The following ACAD10 variants were observed in gnomAD, a reference collection of about 807,000 sequenced individuals.
ACAD10 encodes the protein ACAD-10.
Under a neutral mutation model 116.8 loss-of-function variants are expected in ACAD10, and 112 were observed. That is an observed-to-expected ratio of 0.96 (90% CI 0.82 to 1.12). The LOEUF (loss-of-function observed/expected upper bound fraction) is 1.12. Among genes scored for constraint, ACAD10 ranks in the 50% most tolerant of loss-of-function variants. The pLI is 0.00. For missense variants in ACAD10, 1,259 were observed against 1,350.2 expected, an observed-to-expected ratio of 0.93 and a Z score of 1.06; for synonymous variants, 486 against 510.6, an observed-to-expected ratio of 0.95 and a Z score of 0.65.
chr12:111,713,665 A>G (rs1289070355), intron 6 of ACAD10, among the ~76,000 whole-genome samples: 1 of 151,424 alleles, frequency 6.6e-6, no homozygotes, highest in East Asian at 1.9e-4. Context: ...GGCTGGGCGC[A>G]GTGGCTCATG....
chr12:111,755,659 T>G lies in ACAD10; in HGVS notation c.2962-9T>G, dbSNP rs1191809910. 6.2e-7 allele frequency: 1 copy of G among 1,613,022 alleles called. No homozygotes were observed. The highest frequency in any genetic ancestry group is 1.3e-5 in the African/African-American group (1 of 74,864). On this transcript the variant is annotated splice_polypyrimidine_tract_variant and intron_variant, in intron 19 of 20. Transcript: ENST00000313698. ...GGTCTTTTATGATCGCATCTCCTCC[T>G]CCTTACAGGCTGCAGCCTTGGATAT...
chr12:111,745,586 CT>C (rs1394154041), intron 13 of ACAD10: 5 of 157,504 alleles, frequency 3.2e-5, no homozygotes, highest in South Asian at 2.0e-4. Context: ...CTTTTTTTCT[CT>C]TTTTTTTTGA....
chr12:111,702,843 C>G (rs572363795), intron 3 of ACAD10, among the ~76,000 whole-genome samples: 2 of 152,278 alleles, frequency 1.3e-5, no homozygotes, highest in African/African-American at 4.8e-5. Flanking sequence ...CCTGTAACTT[C>G]AGCACTTTGG....
rs1403996014 is a variant in ACAD10, at chr12:111,728,133, T to TG, written c.1236dup (p.Lys413GlufsTer15). ...TGCAGGCTGTGGGACTTGAAGACTA[T>TG]GGGAAGCAAGGTGAGCAGGAGGCCA... On this transcript the variant is annotated frameshift_variant, in exon 9 of 21. Transcript: ENST00000313698. LOFTEE classifies it high-confidence loss of function. The TG allele has an allele frequency of 6.2e-7, 1 of 1,604,976 alleles. No homozygotes were observed. Among genetic ancestry groups the TG allele is most frequent in the Non-Finnish European group, 8.5e-7 (1 of 1,175,318 alleles).
intron 12 of ACAD10, among the ~76,000 whole-genome samples, chr12:111,741,290 A>G (rs540997213): frequency 6.6e-6 from 1 of 152,388 alleles, no homozygotes; most frequent in Non-Finnish European, 1.5e-5. Context: ...TTACTTAAAC[A>G]GAATGGCTGC....
In ACAD10 at chr12:111,746,180, C is replaced by G; in HGVS notation, c.2152C>G (p.Leu718Val). 6.2e-7 allele frequency: 1 copy of G among 1,613,896 alleles called. No individual in the cohort carries two copies. The highest frequency in any genetic ancestry group is 8.5e-7 in the Non-Finnish European group (1 of 1,179,974). Reference sequence around the variant, plus strand: ...AGCTGAAGGACTTTGGAACCTTTTCCTACCCTTAGAGGCTGATCCCGAGAA... The same window carrying G: ...AGCTGAAGGACTTTGGAACCTTTTCGTACCCTTAGAGGCTGATCCCGAGAA... ...AKAEGLWNLF[L>V]PLEADPEKKY... Residue 718 changes from leucine to valine, a missense_variant, in exon 14 of 21, where the codon CTA (leucine) becomes GTA (valine). Coordinates refer to ENST00000313698, the MANE Select transcript of ACAD10 (RefSeq NM_025247.6).
At chr12:111,700,665 T>C (rs1235159870) in intron 2 of ACAD10, among the ~76,000 whole-genome samples, 1 of 151,996 alleles carries the variant, frequency 6.6e-6, no homozygotes, top group Non-Finnish European at 1.5e-5. Flanking sequence ...AAAGGACATA[T>C]ACCAGATTGT....
At chr12:111,694,825 AG>A (rs1888150970) in intron 2 of ACAD10, among the ~76,000 whole-genome samples, 1 of 152,188 alleles carries the variant, frequency 6.6e-6, no homozygotes, top group Non-Finnish European at 1.5e-5. Context: ...CAGGAGTTCA[AG>A]ACCAGCCTGG....
chr12:111,755,413 T>A (rs963410420), intron 19 of ACAD10, among the ~76,000 whole-genome samples: 2 of 152,100 alleles, frequency 1.3e-5, no homozygotes, highest in African/African-American at 4.8e-5. Context: ...GCCTGTTGTT[T>A]GTTTTTGAGA....
At chr12:111,748,894 T>C (rs776041449) in intron 17 of ACAD10, 3 of 1,048,722 alleles carry the variant, frequency 2.9e-6, no homozygotes, top group Admixed American at 4.2e-5. Flanking sequence ...GATCACTACA[T>C]TGTCACAAAC....
intron 18 of ACAD10, 53 bp from the exon 19 acceptor site, chr12:111,753,719 G>A (rs1439256036): frequency 3.7e-6 from 6 of 1,613,110 alleles, no homozygotes; most frequent in East Asian, 2.2e-5. Flanking sequence ...CCCGCCTCTC[G>A]TGGCCACCCC....
At chr12:111,718,625 A>G (rs976772380) in intron 7 of ACAD10, among the ~76,000 whole-genome samples, 4 of 151,998 alleles carry the variant, frequency 2.6e-5, no homozygotes, top group African/African-American at 9.7e-5. Context: ...GATTACAGGC[A>G]TGCGCCACCA....
chr12:111,725,392 C>T (rs1190598248), intron 8 of ACAD10, among the ~76,000 whole-genome samples: 2 of 152,102 alleles, frequency 1.3e-5, no homozygotes, highest in Admixed American at 1.3e-4. Flanking sequence ...CACCTGTAGT[C>T]CTACCTACTT....
At chr12:111,716,065 A>G (rs1252072745) in intron 7 of ACAD10, 103 bp downstream of exon 7, 50 of 1,476,666 alleles carry the variant, frequency 3.4e-5, no homozygotes, top group Non-Finnish European at 4.2e-5. Context: ...ACCCCAAGAC[A>G]TTTAAAACTA....
intron 8 of ACAD10, among the ~76,000 whole-genome samples, chr12:111,727,173 C>T (rs534445239): frequency 6.6e-6 from 1 of 152,252 alleles, no homozygotes; most frequent in African/African-American, 2.4e-5. Flanking sequence ...TTGCAGTAAG[C>T]CAAGATCGCG....
At chr12:111,730,983 G>C (rs1012049352) in intron 10 of ACAD10, among the ~76,000 whole-genome samples, 1 of 152,060 alleles carries the variant, frequency 6.6e-6, no homozygotes, top group Non-Finnish European at 1.5e-5. Flanking sequence ...GTGAGATGGG[G>C]TTTCATCATA....
intron 4 of ACAD10, among the ~76,000 whole-genome samples, chr12:111,708,287 G>A (rs1416184076): frequency 6.6e-6 from 1 of 152,076 alleles, no homozygotes; most frequent in Non-Finnish European, 1.5e-5. Context: ...TTCACCTAGT[G>A]AGAGGAGCCG....
chr12:111,703,437 T>G (rs768478737), intron 3 of ACAD10, among the ~76,000 whole-genome samples: 1 of 152,170 alleles, frequency 6.6e-6, no homozygotes, highest in African/African-American at 2.4e-5. Context: ...CCACAATAGC[T>G]CTACTAAAAT....
In ACAD10 at chr12:111,746,267, T is replaced by A; in HGVS notation, c.2239T>A (p.Ser747Thr). The change falls in exon 14 of 21, where the codon TCC (serine) becomes ACC (threonine). Residue 747 changes from serine to threonine, a missense_variant. Physicochemically the swap from Ser to Thr is moderately conservative, Grantham distance 58. Coordinates refer to ENST00000313698, the MANE Select transcript of ACAD10 (RefSeq NM_025247.6). ...ACATCTGTGTGAGCTCATGGGCACGTCCCTGTATGCCCCCGAGGTACCTTC... is the reference window on the plus strand; with the variant it reads ...ACATCTGTGTGAGCTCATGGGCACGACCCTGTATGCCCCCGAGGTACCTTC... ...YAHLCELMGT[S>T]LYAPEVCNCS... 1.2e-6 allele frequency: 2 copies of A among 1,612,930 alleles called. No individual in the cohort carries two copies. The highest frequency in any genetic ancestry group is 1.7e-6 in the Non-Finnish European group (2 of 1,179,670).
Sources: gnomAD v4.1 joint callset for allele counts (sites outside exome capture counted in the v4.1 genomes callset) on GRCh38, gnomAD v4.1.1 for gene constraint, MANE v1.5 for transcripts, NCBI Gene and HGNC (gene_info 2026-07-23, HGNC 2026-07-21) for gene names.